The following PTK2B variants were observed in gnomAD, a reference collection of about 807,000 sequenced individuals.
The protein encoded by PTK2B is protein-tyrosine kinase 2-beta.
Under a neutral mutation model 142.9 loss-of-function variants are expected in PTK2B, and 71 were observed. The ratio of observed to expected loss-of-function variants is 0.50; its 90% CI spans 0.41 to 0.61. PTK2B has a LOEUF of 0.61. PTK2B is among the 20% of genes least tolerant of loss of function. The pLI, the probability that PTK2B is intolerant of heterozygous loss-of-function variation, is 0.00. For missense variants in PTK2B, 1,105 were observed against 1,320.4 expected (o/e 0.84, Z 2.53); for synonymous variants, 519 against 503.4 (o/e 1.03, Z -0.42).
In PTK2B at chr8:27,327,079, G is replaced by A. The variant is rs548659652; in HGVS notation, c.-38+1398G>A. ...AGAGCTGAAGGATGACTAGAAATTA[G>A]CACAAGAGAAGAGGGGAAAGAACAG... On this transcript the variant is annotated intron_variant, in intron 1 of 30. Coordinates refer to ENST00000346049, the MANE Select transcript of PTK2B (RefSeq NM_173176.3). 3.3e-4 allele frequency among the ~76,000 whole-genome samples: 51 copies of A among 152,280 alleles called. No individual in the cohort carries two copies. The Middle Eastern group carries it at 0.01, about 30-fold the overall frequency.
At chr8:27,328,990 T>G (rs569777378) in intron 1 of PTK2B, among the ~76,000 whole-genome samples, 3 of 150,734 alleles carry the variant, frequency 2.0e-5, no homozygotes, top group Admixed American at 6.7e-5. Flanking sequence ...CAGGCTGGAG[T>G]GCAGTGGCGC....
intron 1 of PTK2B, among the ~76,000 whole-genome samples, chr8:27,362,051 A>C (rs895963329): frequency 1.3e-5 from 2 of 152,234 alleles, no homozygotes; most frequent in African/African-American, 4.8e-5. Flanking sequence ...TGACAAGGGC[A>C]GGCCCTGTTT....
chr8:27,342,104 A>T (rs1178841471), intron 1 of PTK2B, among the ~76,000 whole-genome samples: 1 of 152,124 alleles, frequency 6.6e-6, no homozygotes, highest in African/African-American at 2.4e-5. Context: ...CCCCACTTTG[A>T]GAACCACTGC....
chr8:27,409,663 C>T (rs1039278527), intron 2 of PTK2B, among the ~76,000 whole-genome samples: 1 of 152,188 alleles, frequency 6.6e-6, no homozygotes, highest in African/African-American at 2.4e-5. Context: ...CCACCAAAAT[C>T]ACCTGCATTG....
chr8:27,431,634 T>C (rs975146893), intron 9 of PTK2B, among the ~76,000 whole-genome samples, 162 bp downstream of exon 9: 2 of 152,236 alleles, frequency 1.3e-5, no homozygotes, highest in Admixed American at 6.5e-5. Context: ...GGAGAGCATT[T>C]AGAGATGGCA....
intron 2 of PTK2B, among the ~76,000 whole-genome samples, chr8:27,403,620 G>A (rs1808510499): frequency 6.6e-6 from 1 of 152,092 alleles, no homozygotes; most frequent in Admixed American, 6.5e-5. Context: ...GCAAGCAGAG[G>A]CTCATATCAT....
intron 1 of PTK2B, among the ~76,000 whole-genome samples, chr8:27,385,945 A>G (rs1250564763): frequency 6.6e-6 from 1 of 151,658 alleles, no homozygotes; most frequent in African/African-American, 2.4e-5. Context: ...AGATTGATGC[A>G]TAGGAGAGAG....
chr8:27,337,681 A>G (rs754791790), intron 1 of PTK2B, among the ~76,000 whole-genome samples: 2 of 152,160 alleles, frequency 1.3e-5, no homozygotes, highest in African/African-American at 2.4e-5. Context: ...TGTAACATCT[A>G]TTAGTACTTC....
intron 2 of PTK2B, among the ~76,000 whole-genome samples, chr8:27,411,126 C>T (rs1809033148): frequency 6.6e-6 from 1 of 152,120 alleles, no homozygotes. Context: ...AATAGATAAT[C>T]ATTATATACT....
At chr8:27,370,989 G>C (rs1345869152) in intron 1 of PTK2B, among the ~76,000 whole-genome samples, 1 of 152,100 alleles carries the variant, frequency 6.6e-6, no homozygotes, top group Admixed American at 6.6e-5. Flanking sequence ...TCTGCCTCCT[G>C]GGTTCAAATG....
At position 27,387,387 on chromosome 8, in the gene PTK2B, C is replaced by T. The variant is rs557656714; in HGVS notation, c.-37-10161C>T. The stretch of plus-strand genomic sequence containing the variant: ...CAGCATGTGATATGCAAATGTGAAG[C>T]TCCTCTTCCTCTAGCTGTTACATTT... On this transcript the variant is annotated intron_variant, in intron 1 of 30. Coordinates refer to ENST00000346049, the MANE Select transcript of PTK2B (RefSeq NM_173176.3). Among the ~76,000 whole-genome samples the T allele has an allele frequency of 2.2e-4, 34 of 152,300 alleles. No homozygotes were observed. In the South Asian group the frequency reaches 6.6e-3, roughly 30 times the overall value.
upstream of PTK2B, chr8:27,311,476 C>T (rs1303418484): frequency 1.7e-6 from 1 of 573,202 alleles, no homozygotes; most frequent in East Asian, 3.2e-5. Flanking sequence ...GGTGGGCCTT[C>T]TGCCCGCAGT....
intron 2 of PTK2B, among the ~76,000 whole-genome samples, chr8:27,412,804 A>AT (rs1205416902): frequency 3.9e-5 from 6 of 152,194 alleles, no homozygotes; most frequent in East Asian, 3.9e-4. Flanking sequence ...TGAAAAAAAA[A>AT]TTTTGTGCAA....
intron 2 of PTK2B, among the ~76,000 whole-genome samples, chr8:27,413,275 C>T (rs1563264408): frequency 6.6e-6 from 1 of 152,252 alleles, no homozygotes; most frequent in Non-Finnish European, 1.5e-5. Context: ...CAAACAGGGA[C>T]ATTCTCCTAC....
At chr8:27,430,259 G>A in intron 6 of PTK2B, 104 bp downstream of exon 6, 2 of 1,580,750 alleles carry the variant, frequency 1.3e-6, no homozygotes, top group South Asian at 1.1e-5. Flanking sequence ...GCCACATAGG[G>A]CCGTCTCTAG....
chr8:27,437,936 A>C, intron 18 of PTK2B, 56 bp downstream of exon 18: 33 of 1,433,892 alleles, frequency 2.3e-5, no homozygotes, highest in Non-Finnish European at 2.7e-5. Context: ...CCAGATCCTC[A>C]AGGCCTCTGG....
At chr8:27,389,586 G>A (rs916962570) in intron 1 of PTK2B, among the ~76,000 whole-genome samples, 1 of 152,244 alleles carries the variant, frequency 6.6e-6, no homozygotes, top group African/African-American at 2.4e-5. Context: ...TGAGCTGGCA[G>A]GAGCTGGCAA....
chr8:27,325,458 A>C (rs1175122578), upstream of PTK2B: 1 of 152,334 alleles, frequency 6.6e-6, no homozygotes, highest in Non-Finnish European at 1.5e-5. Context: ...CGGCACACAC[A>C]GACAACACAC....
At position 27,450,902 on chromosome 8, in the gene PTK2B, AC is replaced by A; in HGVS notation, c.2487+11del. The A allele has an allele frequency of 1.2e-6, 2 of 1,614,110 alleles. No individual in the cohort carries two copies. The highest frequency in any genetic ancestry group is 1.7e-6 in the Non-Finnish European group (2 of 1,180,000). On this transcript the variant is annotated splice_region_variant and intron_variant, in intron 25 of 30. Transcript: ENST00000346049. ...GCAGGAGGAGAAGTCCCTGGTGAGC[AC>A]CCCAGGAAGGATGTCGGTGCCCTGC... is the stretch of plus-strand genomic sequence containing the variant.
Sources: gnomAD v4.1 joint callset for allele counts (sites outside exome capture counted in the v4.1 genomes callset) on GRCh38, gnomAD v4.1.1 for gene constraint, MANE v1.5 for transcripts, NCBI Gene and HGNC (gene_info 2026-07-23, HGNC 2026-07-21) for gene names.